Variants in SDCCAG8 observed in about 807,000 individuals in gnomAD.
SDCCAG8 encodes the protein serologically defined colon cancer antigen 8.
In SDCCAG8, 74 loss-of-function variants were observed where a neutral mutation model predicts 101.8. The observed-to-expected ratio is 0.73, with a 90% CI of 0.60 to 0.88. The LOEUF (loss-of-function observed/expected upper bound fraction) is 0.88. Ranked by LOEUF, SDCCAG8 falls within the 40% of genes least tolerant of loss-of-function variation. The probability of loss-of-function intolerance (pLI) is 0.00; values close to 1 mark genes in which losing one functional copy is unlikely to be tolerated. For missense variants in SDCCAG8, 787 were observed against 822.6 expected (o/e 0.96, Z 0.53); for synonymous variants, 281 against 292.9 (o/e 0.96, Z 0.41).
At chr1:243,422,436 C>T (rs1205782355) in intron 15 of SDCCAG8, among the ~76,000 whole-genome samples, 2 of 152,138 alleles carry the variant, frequency 1.3e-5, no homozygotes, top group African/African-American at 2.4e-5. Context: ...AATTTTGGTA[C>T]ATATTGCAGT....
intron 11 of SDCCAG8, 69 bp downstream of exon 11, chr1:243,341,242 G>A (rs149614145): frequency 1.3e-5 from 21 of 1,556,318 alleles, no homozygotes; most frequent in South Asian, 4.5e-5. Flanking sequence ...TTTTCCTAAT[G>A]TACAAAACTC....
intron 1 of SDCCAG8, 121 bp from the exon 2 acceptor site, chr1:243,269,984 C>T (rs924242036): frequency 5.3e-5 from 71 of 1,351,434 alleles, no homozygotes; most frequent in Non-Finnish European, 6.1e-5. Flanking sequence ...CAGAACTCTG[C>T]GTTTTTTCCA....
chr1:243,354,668 A>G (rs921126448), intron 12 of SDCCAG8, among the ~76,000 whole-genome samples: 22 of 152,208 alleles, frequency 1.4e-4, no homozygotes, highest in African/African-American at 5.1e-4. Flanking sequence ...ACATTGGTGG[A>G]TTCCCACTAG....
At chr1:243,309,364 A>G (rs1399290112) in intron 8 of SDCCAG8, among the ~76,000 whole-genome samples, 4 of 152,218 alleles carry the variant, frequency 2.6e-5, no homozygotes, top group African/African-American at 9.6e-5. Context: ...GAAAACCTAT[A>G]TAGTACTTAA....
chr1:243,441,297 G>A (rs2082517530), intron 16 of SDCCAG8, among the ~76,000 whole-genome samples: 1 of 152,170 alleles, frequency 6.6e-6, no homozygotes, highest in South Asian at 2.1e-4. Flanking sequence ...TACAGGGGAT[G>A]GATGGGTATT....
chr1:243,268,229 T>A, intron 1 of SDCCAG8: 1 of 427,916 alleles, frequency 2.3e-6, no homozygotes, highest in East Asian at 4.7e-5. Flanking sequence ...ATAGATTCAA[T>A]AAAGATAAGT....
intron 9 of SDCCAG8, among the ~76,000 whole-genome samples, chr1:243,326,935 A>G (rs1251696456): frequency 6.6e-6 from 1 of 152,156 alleles, no homozygotes; most frequent in Non-Finnish European, 1.5e-5. Context: ...TAAAACCAGG[A>G]CTGGGAATAT....
chr1:243,425,706 G>A (rs747488146), intron 15 of SDCCAG8, among the ~76,000 whole-genome samples: 77 of 152,236 alleles, frequency 5.1e-4, no homozygotes, highest in Non-Finnish European at 9.0e-4. Context: ...ATTTTTCTTG[G>A]ATAAACATCT....
intron 9 of SDCCAG8, chr1:243,318,014 A>T (rs551818500): frequency 1.2e-4 from 56 of 456,510 alleles, no homozygotes; most frequent in South Asian, 6.7e-4. Flanking sequence ...GCAAAGACAC[A>T]TGCATGTGAA....
intron 13 of SDCCAG8, among the ~76,000 whole-genome samples, chr1:243,383,852 A>G (rs1276686838): frequency 6.6e-6 from 1 of 152,116 alleles, no homozygotes; most frequent in Non-Finnish European, 1.5e-5. Context: ...GCTGATTTCC[A>G]GACAAATGTC....
chr1:243,436,441 C>T (rs1197168569), intron 16 of SDCCAG8, among the ~76,000 whole-genome samples: 3 of 151,972 alleles, frequency 2.0e-5, no homozygotes, highest in Non-Finnish European at 4.4e-5. Flanking sequence ...TAGATTCATT[C>T]TTTTTTTGCA....
chr1:243,489,160 G>A lies in SDCCAG8; in HGVS notation c.2112+20G>A, dbSNP rs1174595326. ...ACCCAGGTACTGTGCAGAACGCGGC[G>A]CAGGTGGGAGTCCTTGGGCGGGCGT... On this transcript the variant is annotated intron_variant, in intron 17 of 17. Coordinates refer to ENST00000366541, the MANE Select transcript of SDCCAG8 (RefSeq NM_006642.5). 1.2e-6 allele frequency: 2 copies of A among 1,610,156 alleles called. No individual in the cohort carries two copies. The highest frequency in any genetic ancestry group is 2.2e-5 in the South Asian group (2 of 90,728).
rs74423796 is a variant in SDCCAG8, at chr1:243,426,390, C to T, written c.1854-37C>T. ...TAACAATATGCCCTAGTAATAAGAA[C>T]TTCTAACATCTATTATTTTTGTGTT... On this transcript the variant is annotated intron_variant, in intron 15 of 17. Transcript: ENST00000366541. The T allele has an allele frequency of 3.4e-4, 541 of 1,581,840 alleles. 3 individuals carry two copies. In the African/African-American group the frequency reaches 4.7e-3, roughly 14 times the overall value.
At chr1:243,442,727 A>G (rs1032855020) in intron 16 of SDCCAG8, among the ~76,000 whole-genome samples, 1 of 152,224 alleles carries the variant, frequency 6.6e-6, no homozygotes, top group Non-Finnish European at 1.5e-5. Context: ...TCCAACACTG[A>G]AAGTTAAAGC....
intron 4 of SDCCAG8, among the ~76,000 whole-genome samples, chr1:243,275,868 T>G (rs1052538701): frequency 1.5e-5 from 2 of 136,000 alleles, no homozygotes; most frequent in African/African-American, 2.8e-5. Flanking sequence ...TTTTTTTTTT[T>G]TTTTTTTTTT....
At chr1:243,498,543 C>T (rs1462569288) in intron 17 of SDCCAG8, among the ~76,000 whole-genome samples, 1 of 152,222 alleles carries the variant, frequency 6.6e-6, no homozygotes, top group African/African-American at 2.4e-5. Flanking sequence ...TGAGACCACC[C>T]CACTACTCAC....
chr1:243,360,374 G>A (rs531213350), intron 12 of SDCCAG8, among the ~76,000 whole-genome samples: 4 of 151,746 alleles, frequency 2.6e-5, no homozygotes, highest in East Asian at 2.0e-4. Flanking sequence ...GGATAGTCTC[G>A]ATCTCTTGAG....
At chr1:243,344,470 A>G (rs1318620838) in intron 12 of SDCCAG8, 139 bp downstream of exon 12, 16 of 732,380 alleles carry the variant, frequency 2.2e-5, no homozygotes, top group Non-Finnish European at 2.8e-5. Context: ...CTGTTAGGAA[A>G]ATTTCTTTTA....
At chr1:243,357,351 C>T (rs1398433619) in intron 12 of SDCCAG8, among the ~76,000 whole-genome samples, 1 of 152,050 alleles carries the variant, frequency 6.6e-6, no homozygotes, top group Non-Finnish European at 1.5e-5. Context: ...TGCACTCCAG[C>T]CTGGGCAACA....
Sources: gnomAD v4.1 joint callset for allele counts (sites outside exome capture counted in the v4.1 genomes callset) on GRCh38, gnomAD v4.1.1 for gene constraint, MANE v1.5 for transcripts, NCBI Gene and HGNC (gene_info 2026-07-23, HGNC 2026-07-21) for gene names.